NAV3: variants seen among roughly 807,000 people sequenced by gnomAD.
NAV3 encodes neuron navigator 3.
Under a neutral mutation model 244.7 loss-of-function variants are expected in NAV3, and 87 were observed. The ratio of observed to expected loss-of-function variants is 0.36; its 90% CI spans 0.30 to 0.42. NAV3 has a LOEUF of 0.42. Ranked by LOEUF, NAV3 falls within the 20% of genes least tolerant of loss-of-function variation. The pLI, the probability that NAV3 is intolerant of heterozygous loss-of-function variation, is 1.00. For missense variants in NAV3, 2,663 were observed against 2,893.3 expected (o/e 0.92, Z 1.83); for synonymous variants, 1,126 against 1,042.2 (o/e 1.08, Z -1.55).
chr12:78,109,243 T>A (rs1425704421), intron 12 of NAV3, among the ~76,000 whole-genome samples: 2 of 151,970 alleles, frequency 1.3e-5, no homozygotes, highest in Non-Finnish European at 2.9e-5. Flanking sequence ...TACCAAGCTG[T>A]TGCATCAGGA....
rs575140590 is a variant in NAV3, at chr12:77,809,410, C to G, written c.73-130909C>G. ...CACAGCACAGTCCCTCATGGCTTCC[C>G]TTGGCTAGGGGAGGGAGTTCCTCAA... On this transcript the variant is annotated intron_variant, in intron 2 of 8. Coordinates refer to the NAV3 transcript ENST00000550042. Among the ~76,000 whole-genome samples, 21 of 152,300 alleles carry G rather than the reference C, an allele frequency of 1.4e-4. No homozygotes were observed. In the South Asian group the frequency reaches 3.5e-3, roughly 26 times the overall value.
At chr12:78,123,553 G>A (rs989230062) in intron 16 of NAV3, among the ~76,000 whole-genome samples, 1 of 151,976 alleles carries the variant, frequency 6.6e-6, no homozygotes, top group African/African-American at 2.4e-5. Context: ...AAAACCCAGA[G>A]CAAAACATTG....
chr12:77,869,330 T>A (rs2136432853), intron 1 of NAV3, among the ~76,000 whole-genome samples: 1 of 152,296 alleles, frequency 6.6e-6, no homozygotes, highest in African/African-American at 2.4e-5. Flanking sequence ...GAGTCATTAA[T>A]AAATATTAAG....
At chr12:77,674,794 C>T (rs546945432) in intron 2 of NAV3, among the ~76,000 whole-genome samples, 1 of 152,268 alleles carries the variant, frequency 6.6e-6, no homozygotes, top group African/African-American at 2.4e-5. Flanking sequence ...ATGTTCTAGG[C>T]TTGATAGTGA....
At chr12:78,110,573 A>G (rs1955037413) in intron 12 of NAV3, among the ~76,000 whole-genome samples, 1 of 152,020 alleles carries the variant, frequency 6.6e-6, no homozygotes, top group Non-Finnish European at 1.5e-5. Flanking sequence ...AATTTGTACA[A>G]ATAAAAAAAT....
chr12:77,603,916 AG>A (rs1429373285), intron 2 of NAV3, among the ~76,000 whole-genome samples: 2 of 152,140 alleles, frequency 1.3e-5, no homozygotes, highest in African/African-American at 2.4e-5. Flanking sequence ...CTCATACAAA[AG>A]CTAGAAGCAA....
chr12:77,990,901 T>C (rs928077392), intron 5 of NAV3, among the ~76,000 whole-genome samples: 2 of 152,226 alleles, frequency 1.3e-5, no homozygotes, highest in South Asian at 2.1e-4. Flanking sequence ...TTCTGTAATA[T>C]AGATCTTTGA....
In NAV3 at chr12:78,210,387, T is replaced by A. The variant is rs368600379; in HGVS notation, c.7039-11T>A. 2 of 1,613,392 alleles carry A rather than the reference T, an allele frequency of 1.2e-6. No homozygotes were observed. The highest frequency in any genetic ancestry group is 8.5e-7 in the Non-Finnish European group (1 of 1,179,730). Reference sequence around the variant, plus strand: ...TCATTGCCTACATCGATGTCTTTTTTCTTTCTTCAGATGAATATGCTAATG... The same window carrying A: ...TCATTGCCTACATCGATGTCTTTTTACTTTCTTCAGATGAATATGCTAATG... On this transcript the variant is annotated splice_polypyrimidine_tract_variant and intron_variant, in intron 39 of 39. Transcript: ENST00000397909.
chr12:77,850,415 A>G (rs1382609208), intron 1 of NAV3, among the ~76,000 whole-genome samples: 2 of 152,176 alleles, frequency 1.3e-5, no homozygotes, highest in African/African-American at 2.4e-5. Flanking sequence ...TGTAATTTAT[A>G]TGTTTTACTT....
chr12:77,897,766 C>A (rs1157890898), intron 1 of NAV3, among the ~76,000 whole-genome samples: 1 of 150,220 alleles, frequency 6.7e-6, no homozygotes, highest in East Asian at 2.0e-4. Flanking sequence ...TGTAATATGT[C>A]TTTATTCATT....
intron 3 of NAV3, among the ~76,000 whole-genome samples, chr12:77,943,813 G>A (rs1303118560): frequency 6.6e-6 from 1 of 152,154 alleles, no homozygotes; most frequent in African/African-American, 2.4e-5. Flanking sequence ...AAAAGATAAA[G>A]TAAAATTAGG....
intron 2 of NAV3, among the ~76,000 whole-genome samples, chr12:77,669,465 C>T (rs926013180): frequency 2.6e-5 from 4 of 152,042 alleles, no homozygotes; most frequent in Non-Finnish European, 5.9e-5. Context: ...ACTCACCTGA[C>T]ACATCAGGAC....
rs778688479 is a variant in NAV3 at position 78,116,847 on chromosome 12, C to G, written c.2712C>G (p.Thr904=). The G allele has an allele frequency of 6.2e-7, 1 of 1,613,446 alleles. No individual in the cohort carries two copies. The highest frequency in any genetic ancestry group is 1.3e-5 in the African/African-American group (1 of 74,930). The change falls in exon 13 of 40, where the codon ACC becomes ACG. Residue 904 remains threonine, a synonymous_variant. Transcript: ENST00000397909. ...LDNISTDDLN[T]TSSVSSYSNI... ...ACATCAGCACTGATGACCTGAACACCACATCCTCTGTCAGCTCTTACTCCA... is the reference window on the plus strand; with the variant it reads ...ACATCAGCACTGATGACCTGAACACGACATCCTCTGTCAGCTCTTACTCCA...
intron 2 of NAV3, among the ~76,000 whole-genome samples, chr12:77,769,699 C>A (rs1869971852): frequency 6.6e-6 from 1 of 152,004 alleles, no homozygotes; most frequent in Non-Finnish European, 1.5e-5. Context: ...GTCTTTGATG[C>A]CAAGGTATGA....
In NAV3 at chr12:77,637,966, G is replaced by T. The variant is rs562361711; in HGVS notation, c.72+65700G>T. On this transcript the variant is annotated intron_variant, in intron 2 of 8. Coordinates refer to the NAV3 transcript ENST00000550042. ...TGACATTTTAATTAACAAGTCAAAG[G>T]TTCTCAACAGGCACTATTTGATGCA... Among the ~76,000 whole-genome samples, 5 of 152,242 alleles carry T rather than the reference G, an allele frequency of 3.3e-5. No homozygotes were observed. The South Asian group carries it at 6.2e-4, about 19-fold the overall frequency.
chr12:77,968,430 G>A (rs889954803), intron 4 of NAV3, 89 bp from the exon 5 acceptor site: 59 of 1,038,754 alleles, frequency 5.7e-5, no homozygotes, highest in Non-Finnish European at 8.3e-5. Flanking sequence ...TGTCTTCATA[G>A]ATTTATTTCA....
At chr12:77,657,028 C>T (rs1028611775) in intron 2 of NAV3, among the ~76,000 whole-genome samples, 3 of 152,070 alleles carry the variant, frequency 2.0e-5, no homozygotes, top group African/African-American at 7.2e-5. Flanking sequence ...AATTGACACC[C>T]TAGCATCACA....
intron 12 of NAV3, among the ~76,000 whole-genome samples, chr12:78,115,171 T>G (rs776329094): frequency 2.0e-5 from 3 of 152,214 alleles, no homozygotes; most frequent in Non-Finnish European, 2.9e-5. Flanking sequence ...TTCTCATCAA[T>G]GTACAGATTA....
intron 2 of NAV3, among the ~76,000 whole-genome samples, chr12:77,588,000 T>A (rs1026554093): frequency 1.3e-5 from 2 of 152,244 alleles, no homozygotes; most frequent in Admixed American, 6.5e-5. Context: ...TAAATCAGGC[T>A]AATATAATGT....
Sources: allele counts gnomAD v4.1 joint callset (sites outside exome capture counted in the v4.1 genomes callset), GRCh38; gene constraint gnomAD v4.1.1; transcripts MANE v1.5; gene names NCBI Gene and HGNC (gene_info 2026-07-23, HGNC 2026-07-21).